Variants in PALLD observed in about 807,000 individuals in gnomAD.
PALLD encodes the protein palladin, cytoskeletal associated protein, also known as palladin.
In PALLD, 61 loss-of-function variants were observed where a neutral mutation model predicts 123.5. The observed-to-expected ratio is 0.49, with a 90% confidence interval of 0.40 to 0.61. The LOEUF (loss-of-function observed/expected upper bound fraction) is 0.61. Among genes scored for constraint, PALLD ranks in the 20% least tolerant of loss-of-function variants. The pLI is 0.00. For missense variants in PALLD, 1,273 were observed against 1,377.0 expected (o/e 0.92, Z 1.20); for synonymous variants, 465 against 496.4 (o/e 0.94, Z 0.84).
intron 6 of PALLD, among the ~76,000 whole-genome samples, chr4:168,687,395 A>G (rs1452804881): frequency 6.6e-6 from 1 of 152,196 alleles, no homozygotes; most frequent in Non-Finnish European, 1.5e-5. Flanking sequence ...TAGAACAGAA[A>G]ATGTTTACAG....
At chr4:168,762,630 A>T (rs1430216355) in intron 10 of PALLD, among the ~76,000 whole-genome samples, 2 of 152,226 alleles carry the variant, frequency 1.3e-5, no homozygotes, top group Non-Finnish European at 1.5e-5. Context: ...TCCCTCAAGG[A>T]TCTAGAACCA....
chr4:168,733,937 A>C (rs183679975), intron 10 of PALLD, among the ~76,000 whole-genome samples: 3 of 152,060 alleles, frequency 2.0e-5, no homozygotes, highest in Non-Finnish European at 2.9e-5. Context: ...GGGTTTCACC[A>C]TGTTAGCCAG....
intron 9 of PALLD, among the ~76,000 whole-genome samples, chr4:168,709,407 G>A (rs1332659788): frequency 6.6e-6 from 1 of 151,162 alleles, no homozygotes; most frequent in Non-Finnish European, 1.5e-5. Flanking sequence ...CTACTCTGGA[G>A]GCTGAGGCAG....
intron 2 of PALLD, among the ~76,000 whole-genome samples, chr4:168,530,035 T>C (rs2149479250): frequency 6.6e-6 from 1 of 152,222 alleles, no homozygotes; most frequent in East Asian, 1.9e-4. Flanking sequence ...ACTATGGCCC[T>C]CGGGTTCTGT....
intron 10 of PALLD, among the ~76,000 whole-genome samples, chr4:168,733,731 T>G (rs1476760511): frequency 6.6e-6 from 1 of 151,948 alleles, no homozygotes; most frequent in African/African-American, 2.4e-5. Flanking sequence ...GTTGTTGTTG[T>G]TGGTTTTGTT....
At chr4:168,843,321 G>A (rs1291807539) in intron 10 of PALLD, among the ~76,000 whole-genome samples, 2 of 151,878 alleles carry the variant, frequency 1.3e-5, no homozygotes, top group Non-Finnish European at 2.9e-5. Flanking sequence ...GGCTCCACCT[G>A]GTCAGCGCTT....
intron 10 of PALLD, among the ~76,000 whole-genome samples, chr4:168,767,058 A>G (rs1411573902): frequency 1.3e-5 from 2 of 152,110 alleles, no homozygotes; most frequent in East Asian, 3.9e-4. Context: ...TTCCAGACAG[A>G]CTCAACTCTT....
chr4:168,900,152 CACTT>C (rs1756180230), intron 14 of PALLD, among the ~76,000 whole-genome samples: 1 of 152,148 alleles, frequency 6.6e-6, no homozygotes, highest in Admixed American at 6.5e-5. Flanking sequence ...AGCAAGAACT[CACTT>C]ACCACCAAGG....
intron 13 of PALLD, chr4:168,898,098 G>A: frequency 3.7e-6 from 1 of 270,758 alleles, no homozygotes; most frequent in Non-Finnish European, 7.2e-6. Flanking sequence ...GTGGAGAGAT[G>A]TACCACCCTG....
chr4:168,894,570 G>T lies in PALLD; in HGVS notation c.2101-9G>T, dbSNP rs368890611. 6.3e-7 allele frequency: 1 copy of T among 1,590,448 alleles called. No individual in the cohort carries two copies. Among genetic ancestry groups the T allele is most frequent in the Non-Finnish European group, 8.6e-7 (1 of 1,159,116 alleles). On this transcript the variant is annotated splice_polypyrimidine_tract_variant and intron_variant, in intron 11 of 21. Transcript: ENST00000505667. Reference sequence around the variant, plus strand: ...TAATTTTGTATTTTTTGTGACTTACGTTGTTTAGAGGTTAACATACGAAGA... The same window carrying T: ...TAATTTTGTATTTTTTGTGACTTACTTTGTTTAGAGGTTAACATACGAAGA...
intron 2 of PALLD, among the ~76,000 whole-genome samples, chr4:168,615,197 A>G (rs1257488432): frequency 3.9e-5 from 6 of 152,220 alleles, no homozygotes; most frequent in Non-Finnish European, 8.8e-5. Flanking sequence ...ATTACATTAA[A>G]AAATTCATAC....
intron 10 of PALLD, among the ~76,000 whole-genome samples, chr4:168,733,105 A>C (rs1787341990): frequency 6.6e-6 from 1 of 152,204 alleles, no homozygotes; most frequent in African/African-American, 2.4e-5. Context: ...ATTTTAATAC[A>C]TATATAATGT....
intron 10 of PALLD, among the ~76,000 whole-genome samples, chr4:168,841,653 T>C (rs182242100): frequency 3.2e-4 from 49 of 152,346 alleles, no homozygotes; most frequent in Middle Eastern, 3.4e-3. Flanking sequence ...TGTGGCTCTA[T>C]AATATCTGAG....
At chr4:168,912,670 T>C (rs1005902634) in intron 15 of PALLD, among the ~76,000 whole-genome samples, 7 of 152,236 alleles carry the variant, frequency 4.6e-5, no homozygotes, top group Non-Finnish European at 7.3e-5. Flanking sequence ...ATACAACGTA[T>C]AATGTTCAAA....
intron 2 of PALLD, among the ~76,000 whole-genome samples, chr4:168,666,260 T>G (rs574817632): frequency 3.2e-4 from 49 of 152,314 alleles, no homozygotes; most frequent in Non-Finnish European, 6.0e-4. Flanking sequence ...TTTTTATGCT[T>G]CATTTTCCCC....
At chr4:168,779,791 T>C (rs889590186) in intron 10 of PALLD, among the ~76,000 whole-genome samples, 3 of 152,188 alleles carry the variant, frequency 2.0e-5, no homozygotes, top group African/African-American at 7.2e-5. Flanking sequence ...TCTGAGTAGA[T>C]TCGTTCCTCA....
chr4:168,693,806 G>A (rs943847906), intron 8 of PALLD, among the ~76,000 whole-genome samples: 2 of 152,036 alleles, frequency 1.3e-5, no homozygotes, highest in African/African-American at 2.4e-5. Flanking sequence ...CTTTTACAGC[G>A]TTAAAATGCT....
intron 10 of PALLD, chr4:168,843,887 T>G (rs1746412689): frequency 6.6e-6 from 1 of 152,196 alleles, no homozygotes; most frequent in Admixed American, 6.5e-5. Flanking sequence ...GTGCCAAATT[T>G]ACCACACCTC....
chr4:168,542,717 CAT>C (rs70961531), intron 2 of PALLD, among the ~76,000 whole-genome samples: 181 of 88,744 alleles, frequency 2.0e-3, no homozygotes, highest in African/African-American at 4.9e-3. Context: ...CTAACCTTTC[CAT>C]ATATATATAT....
Sources: allele counts gnomAD v4.1 joint callset (sites outside exome capture counted in the v4.1 genomes callset), GRCh38; gene constraint gnomAD v4.1.1; transcripts MANE v1.5; gene names NCBI Gene and HGNC (gene_info 2026-07-23, HGNC 2026-07-21).